RBFOX3: variants seen among roughly 807,000 people sequenced by gnomAD.
RBFOX3 encodes the protein RNA binding fox-1 homolog 3.
RBFOX3 carries 17 observed loss-of-function variants against 48.7 expected under a neutral mutation model. That is an observed-to-expected ratio of 0.35 (90% CI 0.24 to 0.52). The LOEUF is 0.52. Ranked by LOEUF, RBFOX3 falls within the 20% of genes least tolerant of loss-of-function variation. The pLI is 0.94. For synonymous variants in RBFOX3, 212 were observed against 209.5 expected, an observed-to-expected ratio of 1.01 and a Z score of -0.10; for missense variants, 382 against 497.5, an observed-to-expected ratio of 0.77 and a Z score of 2.21.
At chr17:79,487,396 C>T (rs2079787360) in intron 1 of RBFOX3, among the ~76,000 whole-genome samples, 1 of 152,170 alleles carries the variant, frequency 6.6e-6, no homozygotes, top group Non-Finnish European at 1.5e-5. Flanking sequence ...GCTGCAGAGG[C>T]CGGGTGGCGG....
intron 2 of RBFOX3, among the ~76,000 whole-genome samples, chr17:79,322,459 C>T (rs2078674379): frequency 6.6e-6 from 1 of 152,226 alleles, no homozygotes; most frequent in Admixed American, 6.5e-5. Context: ...TAGAATTTAG[C>T]TCTCTTCCTC....
intron 2 of RBFOX3, among the ~76,000 whole-genome samples, chr17:79,381,527 G>A (rs1400151941): frequency 2.6e-5 from 4 of 152,210 alleles, no homozygotes; most frequent in Non-Finnish European, 4.4e-5. Flanking sequence ...GGCCACAGAC[G>A]TGTTAGGGCC....
chr17:79,508,044 T>G (rs1415447628), intron 1 of RBFOX3, among the ~76,000 whole-genome samples: 1 of 152,218 alleles, frequency 6.6e-6, no homozygotes, highest in Non-Finnish European at 1.5e-5. Context: ...GTCTGGCCCG[T>G]GGATTTAGGA....
chr17:79,462,459 A>C (rs2075499988), intron 2 of RBFOX3, among the ~76,000 whole-genome samples: 1 of 152,242 alleles, frequency 6.6e-6, no homozygotes, highest in African/African-American at 2.4e-5. Flanking sequence ...TTAGCCCTCA[A>C]CGTTAGATGT....
rs1025563016 is a variant in RBFOX3 at position 79,479,979 on chromosome 17, G to A, written c.-175+2475C>T. On this transcript the variant is annotated intron_variant, in intron 2 of 14. Coordinates refer to ENST00000693108, the MANE Select transcript of RBFOX3 (RefSeq NM_001350451.2). This position sits in a 1 kb window ranked among gnomAD's most constrained non-coding sequence, Gnocchi z 5.1. ...TGCACTGAGGCCAGCCCCAAACCTC[G>A]TGCCCTATACTCATTTTCTCAGACA... 1.7e-4 allele frequency among the ~76,000 whole-genome samples: 26 copies of A among 152,232 alleles called. No homozygotes were observed. The East Asian group carries it at 2.1e-3, about 12-fold the overall frequency.
intron 2 of RBFOX3, among the ~76,000 whole-genome samples, chr17:79,438,558 C>A (rs528896404): frequency 9.8e-5 from 15 of 152,346 alleles, no homozygotes; most frequent in African/African-American, 2.9e-4. Flanking sequence ...GGCAGCCAGG[C>A]TGCACAGCAG....
rs546406649 is a variant in RBFOX3, at chr17:79,465,161, G to A, written c.-175+17293C>T. The stretch of plus-strand genomic sequence containing the variant: ...CCTCAGACCCTCGAGCCGATGAAAC[G>A]CACCACGACCTTGGCTTCCCGAGGC... On this transcript the variant is annotated intron_variant, in intron 2 of 14. Coordinates refer to ENST00000693108, the MANE Select transcript of RBFOX3 (RefSeq NM_001350451.2). 2.6e-5 allele frequency among the ~76,000 whole-genome samples: 4 copies of A among 152,202 alleles called. No individual in the cohort carries two copies. The East Asian group carries it at 5.8e-4, about 22-fold the overall frequency.
intron 1 of RBFOX3, among the ~76,000 whole-genome samples, chr17:79,495,286 G>T (rs746320129): frequency 5.0e-4 from 60 of 120,678 alleles, no homozygotes; most frequent in South Asian, 9.8e-4. Context: ...GCTGGCACGG[G>T]TCGTGAACAC....
intron 2 of RBFOX3, among the ~76,000 whole-genome samples, chr17:79,374,783 G>C (rs951247083): frequency 1.3e-5 from 2 of 152,226 alleles, no homozygotes. Flanking sequence ...TATTTTCTGG[G>C]AAAGATTTCT....
intron 4 of RBFOX3, among the ~76,000 whole-genome samples, chr17:79,144,550 G>A (rs2144445783): frequency 6.6e-6 from 1 of 152,336 alleles, no homozygotes; most frequent in East Asian, 1.9e-4. Flanking sequence ...CTGGGTGAGA[G>A]GAGTTGGTGG....
intron 2 of RBFOX3, among the ~76,000 whole-genome samples, chr17:79,312,725 T>C (rs1227126277): frequency 6.6e-6 from 1 of 152,206 alleles, no homozygotes; most frequent in Admixed American, 6.5e-5. Flanking sequence ...CAGGGGTCTC[T>C]GGAGTTCATG....
intron 2 of RBFOX3, among the ~76,000 whole-genome samples, chr17:79,441,294 C>G (rs1568255828): frequency 6.6e-6 from 1 of 152,098 alleles, no homozygotes; most frequent in South Asian, 2.1e-4. Flanking sequence ...TGCAGGGGCT[C>G]AATAGTGGCC....
Position 79,198,125 on chromosome 17 carries a change from G to A in RBFOX3, c.-34+37641C>T, listed in dbSNP as rs1215440677. Among the ~76,000 whole-genome samples, 4 of 151,140 alleles carry A rather than the reference G, an allele frequency of 2.6e-5. No homozygotes were observed. Among genetic ancestry groups the A allele is most frequent in the East Asian group, 4.0e-4 (2 of 5,008 alleles). On this transcript the variant is annotated intron_variant, in intron 4 of 14. Coordinates refer to ENST00000693108, the MANE Select transcript of RBFOX3 (RefSeq NM_001350451.2). The surrounding 1 kb of genome is among the most constrained non-coding windows in gnomAD (Gnocchi z 8.2). ...ATCGTGTGGGGTGGGCTGTCATCCC[G>A]GAAGTGCTACGGTTGCATCGTGTGG...
intron 2 of RBFOX3, among the ~76,000 whole-genome samples, chr17:79,415,122 T>C (rs747629707): frequency 7.9e-5 from 12 of 152,212 alleles, no homozygotes; most frequent in African/African-American, 2.9e-4. Flanking sequence ...TTCAAGTGAC[T>C]TCTGAGACCA....
At chr17:79,230,089 C>CT (rs762130365) in intron 4 of RBFOX3, among the ~76,000 whole-genome samples, 28 of 152,294 alleles carry the variant, frequency 1.8e-4, no homozygotes, top group Non-Finnish European at 2.9e-4. Flanking sequence ...GCTATTCTCA[C>CT]TGGGGGCAAG....
intron 2 of RBFOX3, among the ~76,000 whole-genome samples, chr17:79,318,853 T>G (rs1427744344): frequency 7.6e-5 from 1 of 13,124 alleles, no homozygotes; most frequent in Non-Finnish European, 1.2e-4. Context: ...AGACTCCATC[T>G]CAAAAAAAAA....
intron 2 of RBFOX3, among the ~76,000 whole-genome samples, chr17:79,342,759 A>T (rs999214199): frequency 2.6e-5 from 4 of 152,248 alleles, no homozygotes; most frequent in Non-Finnish European, 1.5e-5. Context: ...ATTAAAAACA[A>T]AACAGGCGAA....
intron 2 of RBFOX3, among the ~76,000 whole-genome samples, chr17:79,360,980 T>C (rs2086231328): frequency 6.6e-6 from 1 of 152,168 alleles, no homozygotes; most frequent in Non-Finnish European, 1.5e-5. Context: ...GAGAAGCCTG[T>C]CCGGGTTATT....
chr17:79,374,478 A>G (rs1007138280), intron 2 of RBFOX3, among the ~76,000 whole-genome samples: 3 of 152,242 alleles, frequency 2.0e-5, no homozygotes, highest in African/African-American at 7.2e-5. Flanking sequence ...CATTAAGCTA[A>G]TGAGTTGCTG....
Sources: allele counts gnomAD v4.1 joint callset (sites outside exome capture counted in the v4.1 genomes callset), GRCh38; gene constraint gnomAD v4.1.1; non-coding constraint Gnocchi (gnomAD v3.1); transcripts MANE v1.5; gene names NCBI Gene and HGNC (gene_info 2026-07-23, HGNC 2026-07-21).